The following SLC14A2 variants were observed in gnomAD, a reference collection of about 807,000 sequenced individuals.
SLC14A2 encodes the protein urea transporter 2.
A neutral mutation model predicts 104.6 loss-of-function variants in SLC14A2; 91 were observed. That is an observed-to-expected ratio of 0.87 (90% CI 0.73 to 1.04). SLC14A2 has a LOEUF of 1.04. SLC14A2 is among the 50% of genes least tolerant of loss of function. SLC14A2 has a pLI of 0.00. For synonymous variants in SLC14A2, 476 were observed against 466.4 expected, an observed-to-expected ratio of 1.02 and a Z score of -0.27; for missense variants, 1,189 against 1,156.0, an observed-to-expected ratio of 1.03 and a Z score of -0.41.
chr18:45,373,404 G>T (rs1277802944), intron 1 of SLC14A2, among the ~76,000 whole-genome samples: 1 of 152,100 alleles, frequency 6.6e-6, no homozygotes, highest in Non-Finnish European at 1.5e-5. Context: ...CCCAACACTA[G>T]CTGCAGTTAT....
At chr18:45,624,976 TAATGTGGCTCTTCATGAGAC>T (rs1468515983) in intron 2 of SLC14A2, among the ~76,000 whole-genome samples, 162 bp downstream of exon 2, 1 of 152,214 alleles carries the variant, frequency 6.6e-6, no homozygotes, top group African/African-American at 2.4e-5. Flanking sequence ...TGGCCTTAGA[TAATGTGGCTCTTCATGAGAC>T]ATGATTTTAA....
At chr18:45,588,569 T>C (rs572451751) in intron 2 of SLC14A2, among the ~76,000 whole-genome samples, 108 of 152,260 alleles carry the variant, frequency 7.1e-4, no homozygotes, top group Middle Eastern at 6.8e-3. Flanking sequence ...TGTTGTGAGC[T>C]TAGAGGTAGG....
chr18:45,280,249 G>A (rs564206032), intron 1 of SLC14A2, among the ~76,000 whole-genome samples: 2 of 152,254 alleles, frequency 1.3e-5, no homozygotes, highest in East Asian at 3.9e-4. Context: ...AGCTAAGGGC[G>A]CCGCTGATGT....
At chr18:45,171,925 G>C in the SLC14A2 span, among the ~76,000 whole-genome samples, 36,977 of 151,864 alleles carry the variant, frequency 0.24, 4,808 homozygotes, top group Non-Finnish European at 0.3. Context: ...CCCTCGGTGG[G>C]GCAAATCACT....
chr18:45,634,683 A>G (rs1002326176), intron 5 of SLC14A2: 7 of 371,474 alleles, frequency 1.9e-5, no homozygotes, highest in African/African-American at 8.4e-5. Context: ...GTACTCGATG[A>G]GAGTCAGACC....
the SLC14A2 span, among the ~76,000 whole-genome samples, chr18:45,205,171 C>T: frequency 2.6e-5 from 4 of 152,200 alleles, no homozygotes; most frequent in Non-Finnish European, 5.9e-5. Flanking sequence ...GGGCCCAGAC[C>T]TTCCCCTAGC....
chr18:45,386,113 A>G (rs1209437898), intron 1 of SLC14A2, among the ~76,000 whole-genome samples: 1 of 152,196 alleles, frequency 6.6e-6, no homozygotes, highest in African/African-American at 2.4e-5. Context: ...CAGAGAGAAG[A>G]GCATAAGCCA....
chr18:45,240,091 C>CTTTTTTTTTTTTT (rs763802776), intron 1 of SLC14A2, among the ~76,000 whole-genome samples: 1 of 89,638 alleles, frequency 1.1e-5, no homozygotes, highest in Non-Finnish European at 2.0e-5. Context: ...GCAAATATCT[C>CTTTTTTTTTTTTT]TTTTTTTTTT....
At chr18:45,464,814 G>C (rs1224768589) in intron 1 of SLC14A2, among the ~76,000 whole-genome samples, 1 of 152,146 alleles carries the variant, frequency 6.6e-6, no homozygotes, top group African/African-American at 2.4e-5. Flanking sequence ...CCTGAGCCGT[G>C]GGGTGGTACA....
rs2043922927 is a variant in SLC14A2 at position 45,543,613 on chromosome 18, A to T, written c.-35+60291A>T. 2.0e-5 allele frequency among the ~76,000 whole-genome samples: 3 copies of T among 152,226 alleles called. 1 individual carries two copies. In the South Asian group the frequency reaches 6.2e-4, roughly 32 times the overall value. On this transcript the variant is annotated intron_variant, in intron 2 of 20. Transcript: ENST00000586448. ...TTTGAAAAGAGCTTGTTTTGTGAGC[A>T]TTGGCTACACCTGTAACCCTTTCCC...
At chr18:45,403,759 G>GATGAATGA (rs57905800) in intron 1 of SLC14A2, among the ~76,000 whole-genome samples, 6,863 of 135,142 alleles carry the variant, frequency 0.051, 280 homozygotes, top group African/African-American at 0.13. Context: ...TTTAATCAGT[G>GATGAATGA]ATGAATGAAT....
chr18:45,667,845 T>G lies in SLC14A2; in HGVS notation c.1730T>G (p.Val577Gly). 6.2e-7 allele frequency: 1 copy of G among 1,614,138 alleles called. No homozygotes were observed. ...CGEGLKDKSP[V>G]FQFFDWVLRG... ...GGTTCCATTTCAGACAAGTCCCCAG[T>G]GTTCCAGTTCTTTGACTGGGTCCTC... Residue 577 changes from valine to glycine, a missense_variant, in exon 14 of 20, where the codon GTG (valine) becomes GGG (glycine). Val to Gly is a moderately radical substitution (Grantham distance 109). Coordinates refer to ENST00000255226, the MANE Select transcript of SLC14A2 (RefSeq NM_007163.4).
At chr18:45,183,433 A>G in the SLC14A2 span, among the ~76,000 whole-genome samples, 1 of 152,166 alleles carries the variant, frequency 6.6e-6, no homozygotes, top group Non-Finnish European at 1.5e-5. Context: ...TACTCGCACC[A>G]TATAAAGCTT....
intron 2 of SLC14A2, among the ~76,000 whole-genome samples, chr18:45,498,387 A>T (rs1263492240): frequency 6.6e-6 from 1 of 152,200 alleles, no homozygotes; most frequent in Non-Finnish European, 1.5e-5. Flanking sequence ...AAGGATGCAA[A>T]ACAGACAGGG....
chr18:45,416,419 T>C (rs1321444743), intron 1 of SLC14A2, among the ~76,000 whole-genome samples: 3 of 152,180 alleles, frequency 2.0e-5, no homozygotes, highest in Non-Finnish European at 4.4e-5. Flanking sequence ...GTACGCTCTT[T>C]GGCTAAACAG....
intron 1 of SLC14A2, among the ~76,000 whole-genome samples, chr18:45,285,579 A>G (rs1599643444): frequency 6.6e-6 from 1 of 151,634 alleles, no homozygotes; most frequent in East Asian, 1.9e-4. Flanking sequence ...CACCACACTC[A>G]GCTTATTTTT....
At chr18:45,282,043 G>T (rs1212129380) in intron 1 of SLC14A2, among the ~76,000 whole-genome samples, 1 of 152,140 alleles carries the variant, frequency 6.6e-6, no homozygotes, top group Non-Finnish European at 1.5e-5. Flanking sequence ...TGCCTGGAAT[G>T]CTGAGTCTTG....
intron 1 of SLC14A2, among the ~76,000 whole-genome samples, chr18:45,274,690 T>C (rs1310430418): frequency 6.6e-6 from 1 of 152,270 alleles, no homozygotes; most frequent in African/African-American, 2.4e-5. Context: ...AGCAATATCC[T>C]CAGATCCAAA....
At chr18:45,390,705 A>G (rs558408934) in intron 1 of SLC14A2, among the ~76,000 whole-genome samples, 3 of 152,262 alleles carry the variant, frequency 2.0e-5, no homozygotes, top group African/African-American at 2.4e-5. Context: ...TGAAAAATCT[A>G]AAGGGAATGA....
Sources: gnomAD v4.1 joint callset for allele counts (sites outside exome capture counted in the v4.1 genomes callset) on GRCh38, gnomAD v4.1.1 for gene constraint, MANE v1.5 for transcripts, NCBI Gene and HGNC (gene_info 2026-07-23, HGNC 2026-07-21) for gene names.